The following ADCY8 variants were observed in gnomAD, a reference collection of about 807,000 sequenced individuals.
ADCY8 encodes adenylate cyclase 8.
Under a neutral mutation model 119.7 loss-of-function variants are expected in ADCY8, and 51 were observed. The ratio of observed to expected loss-of-function variants is 0.43; its 90% confidence interval spans 0.34 to 0.54. ADCY8 has a LOEUF of 0.54. Ranked by LOEUF, ADCY8 falls within the 20% of genes least tolerant of loss-of-function variation. The pLI is 0.03. For synonymous variants in ADCY8, 665 were observed against 651.0 expected (o/e 1.02, Z -0.33); for missense variants, 1,383 against 1,598.8 (o/e 0.87, Z 2.30).
intron 1 of ADCY8, among the ~76,000 whole-genome samples, chr8:131,004,085 G>A (rs913656732): frequency 4.6e-5 from 7 of 152,128 alleles, no homozygotes; most frequent in East Asian, 3.9e-4. Context: ...CACAGTTATC[G>A]GGAAAGGGTG....
intron 1 of ADCY8, among the ~76,000 whole-genome samples, chr8:130,992,703 C>T (rs1050346480): frequency 6.6e-6 from 1 of 151,800 alleles, no homozygotes; most frequent in African/African-American, 2.4e-5. Context: ...GTGTGAGCCA[C>T]CACGGACAGC....
At chr8:130,784,890 A>G (rs773823878) in intron 16 of ADCY8, among the ~76,000 whole-genome samples, 6 of 152,170 alleles carry the variant, frequency 3.9e-5, no homozygotes, top group Non-Finnish European at 8.8e-5. Flanking sequence ...ACTAGATGCA[A>G]GGCTTTGCTT....
chr8:130,810,773 A>G (rs1586436440), intron 14 of ADCY8, among the ~76,000 whole-genome samples: 1 of 152,188 alleles, frequency 6.6e-6, no homozygotes, highest in South Asian at 2.1e-4. Flanking sequence ...TGTCTTATAC[A>G]TGCGATTAAT....
Position 130,780,575 on chromosome 8 carries a change from A to T in ADCY8, c.3571T>A (p.Ser1191Thr). The T allele has an allele frequency of 6.2e-7, 1 of 1,614,192 alleles. No homozygotes were observed. The highest frequency in any genetic ancestry group is 1.7e-5 in the Admixed American group (1 of 60,028). ...AGTCCCAGGACAACCGCGGCCAGGG[A>T]GTACTGCCCAGGCAGTCTTCTTGGG... is the stretch of plus-strand genomic sequence containing the variant. ...LPPRRLPGQY[S>T]LAAVVLGLVQ... Residue 1191 changes from serine to threonine, a missense_variant, in exon 18 of 18, where the codon TCC becomes ACC. By Grantham distance (58) the Ser-to-Thr change is moderately conservative. Coordinates refer to ENST00000286355, the MANE Select transcript of ADCY8 (RefSeq NM_001115.3).
intron 11 of ADCY8, among the ~76,000 whole-genome samples, chr8:130,845,946 G>A (rs547396042): frequency 6.6e-6 from 1 of 152,138 alleles, no homozygotes; most frequent in Non-Finnish European, 1.5e-5. Context: ...TGCTTTCTGA[G>A]CTCTAGTTTT....
chr8:130,947,089 T>C (rs1027395974), intron 3 of ADCY8, among the ~76,000 whole-genome samples: 12 of 152,172 alleles, frequency 7.9e-5, no homozygotes, highest in African/African-American at 2.4e-4. Flanking sequence ...AAGGGGGCCA[T>C]AGTAATTTTC....
chr8:130,810,265 G>A (rs1043883903), intron 14 of ADCY8, among the ~76,000 whole-genome samples: 5 of 152,020 alleles, frequency 3.3e-5, no homozygotes, highest in African/African-American at 1.2e-4. Context: ...ATGAAACTGG[G>A]AGTTCTTGCC....
intron 15 of ADCY8, among the ~76,000 whole-genome samples, chr8:130,796,741 C>T (rs747891261): frequency 1.9e-4 from 29 of 151,434 alleles, no homozygotes; most frequent in Admixed American, 1.1e-3. Context: ...ACCTTCCCCC[C>T]GCCTCACCCT....
chr8:130,886,278 G>A (rs1818979814), intron 7 of ADCY8, among the ~76,000 whole-genome samples: 1 of 151,958 alleles, frequency 6.6e-6, no homozygotes, highest in Non-Finnish European at 1.5e-5. Context: ...ATGCTCTTAG[G>A]GCACTGAAGC....
intron 10 of ADCY8, among the ~76,000 whole-genome samples, chr8:130,848,470 C>G (rs1817403407): frequency 6.6e-6 from 1 of 152,200 alleles, no homozygotes; most frequent in South Asian, 2.1e-4. Context: ...TCCTTTTCCT[C>G]TTTTCCTTTA....
At chr8:130,848,854 G>A (rs1399564014) in intron 10 of ADCY8, among the ~76,000 whole-genome samples, 1 of 152,120 alleles carries the variant, frequency 6.6e-6, no homozygotes, top group African/African-American at 2.4e-5. Flanking sequence ...TGACAATGTG[G>A]GTCAGCAAAT....
chr8:130,994,341 T>G lies in ADCY8; in HGVS notation c.961-3799A>C, dbSNP rs1000741587. ...CTCTGGGGCATTCTTTCTATGAACT[T>G]TTGTAAAGCACCAGTGATTTCACCA... On this transcript the variant is annotated intron_variant, in intron 1 of 17. Coordinates refer to ENST00000286355, the MANE Select transcript of ADCY8 (RefSeq NM_001115.3). 1.1e-4 allele frequency among the ~76,000 whole-genome samples: 16 copies of G among 152,360 alleles called. No homozygotes were observed. In the South Asian group the frequency reaches 1.7e-3, roughly 16 times the overall value.
At chr8:130,800,680 AG>A (rs1370724690) in intron 14 of ADCY8, 108 bp from the exon 15 acceptor site, 1 of 1,241,822 alleles carries the variant, frequency 8.1e-7, no homozygotes, top group Non-Finnish European at 1.1e-6. Context: ...TCACCCACAG[AG>A]AGACAGAAAA....
intron 9 of ADCY8, among the ~76,000 whole-genome samples, chr8:130,864,297 T>C (rs542735507): frequency 6.6e-6 from 1 of 152,334 alleles, no homozygotes; most frequent in East Asian, 1.9e-4. Flanking sequence ...ATATCTTTTT[T>C]TGATGTTTAT....
At chr8:130,790,797 G>A (rs1156960595) in intron 15 of ADCY8, among the ~76,000 whole-genome samples, 1 of 152,204 alleles carries the variant, frequency 6.6e-6, no homozygotes, top group Admixed American at 6.5e-5. Context: ...CCTTTGGGCT[G>A]AGATGGCAGC....
At position 130,942,986 on chromosome 8, in the gene ADCY8, C is replaced by A. The variant is rs567175278; in HGVS notation, c.1353+365G>T. On this transcript the variant is annotated intron_variant, in intron 4 of 17. Transcript: ENST00000286355. Reference sequence around the variant, plus strand: ...ATTCATCCCAGATGGCCAGGGTTGGCTGGGAAACTGCAGGCCATCATTACT... The same window carrying A: ...ATTCATCCCAGATGGCCAGGGTTGGATGGGAAACTGCAGGCCATCATTACT... 4.6e-5 allele frequency among the ~76,000 whole-genome samples: 7 copies of A among 152,238 alleles called. No individual in the cohort carries two copies. In the South Asian group the frequency reaches 1.5e-3, roughly 32 times the overall value.
At chr8:130,941,032 C>T (rs1820939644) in intron 4 of ADCY8, among the ~76,000 whole-genome samples, 1 of 152,108 alleles carries the variant, frequency 6.6e-6, no homozygotes. Context: ...AAACTCAATA[C>T]AAATGAAAAA....
At chr8:130,858,542 ATTAATC>A (rs1419392728) in intron 9 of ADCY8, among the ~76,000 whole-genome samples, 1 of 152,108 alleles carries the variant, frequency 6.6e-6, no homozygotes, top group African/African-American at 2.4e-5. Flanking sequence ...CACTGTTGGT[ATTAATC>A]TTTATCCCCT....
chr8:130,967,874 G>A (rs1821807710), intron 2 of ADCY8, among the ~76,000 whole-genome samples: 1 of 152,136 alleles, frequency 6.6e-6, no homozygotes, highest in South Asian at 2.1e-4. Flanking sequence ...GGCAGGCCAA[G>A]GCCACACTTC....
Sources: allele counts gnomAD v4.1 joint callset (sites outside exome capture counted in the v4.1 genomes callset), GRCh38; gene constraint gnomAD v4.1.1; transcripts MANE v1.5; gene names NCBI Gene and HGNC (gene_info 2026-07-23, HGNC 2026-07-21).